Variants in SERPINC1 observed in about 807,000 individuals in gnomAD.
SERPINC1 encodes the protein serpin family C member 1.
SERPINC1 carries 12 observed loss-of-function variants against 43.4 expected under a neutral mutation model. That is an observed-to-expected ratio of 0.28 (90% CI 0.18 to 0.45). SERPINC1 has a LOEUF of 0.45. Ranked by LOEUF, SERPINC1 falls within the 20% of genes least tolerant of loss-of-function variation. SERPINC1 has a pLI of 1.00. For synonymous variants in SERPINC1, 210 were observed against 218.9 expected (o/e 0.96, Z 0.36); for missense variants, 423 against 578.8 (o/e 0.73, Z 2.76).
intron 3 of SERPINC1, 123 bp downstream of exon 3, chr1:173,911,676 T>C (rs1339284387): frequency 8.8e-6 from 7 of 798,712 alleles, no homozygotes; most frequent in South Asian, 2.8e-5. Context: ...TTCTAACTTT[T>C]AGTCAGCCCT....
Position 173,914,729 on chromosome 1 carries a change from G to T in SERPINC1, c.232C>A (p.Arg78=), listed in dbSNP as rs374205395. 1 of 1,614,102 alleles carries T rather than the reference G, an allele frequency of 6.2e-7. No homozygotes were observed. The highest frequency in any genetic ancestry group is 8.5e-7 in the Non-Finnish European group (1 of 1,180,050). The change falls in exon 2 of 7, where the codon CGG becomes AGG. Residue 78 remains arginine (R), a synonymous_variant. Coordinates refer to ENST00000367698, the MANE Select transcript of SERPINC1 (RefSeq NM_000488.4). Reference sequence around the variant, plus strand: ...GCCTTGGACAGTTCCCAGACACGCCGGTTGGTGGCCTCCGGGATCTTCTGT... The same window carrying T: ...GCCTTGGACAGTTCCCAGACACGCCTGTTGGTGGCCTCCGGGATCTTCTGT... ...SEQKIPEATN[R]RVWELSKANS...
intron 6 of SERPINC1, among the ~76,000 whole-genome samples, chr1:173,906,190 A>C (rs1047837987): frequency 2.0e-5 from 3 of 152,206 alleles, no homozygotes; most frequent in African/African-American, 7.2e-5. Context: ...GTACATACAG[A>C]GATTCTCAGG....
At chr1:173,913,566 A>G (rs928019382) in intron 2 of SERPINC1, among the ~76,000 whole-genome samples, 3 of 152,140 alleles carry the variant, frequency 2.0e-5, no homozygotes, top group Middle Eastern at 3.2e-3. Context: ...CTTGAAGTCA[A>G]GAGTTTGAGG....
chr1:173,909,032 G>A (rs1408432234), intron 5 of SERPINC1, among the ~76,000 whole-genome samples: 3 of 152,094 alleles, frequency 2.0e-5, no homozygotes, highest in African/African-American at 4.8e-5. Flanking sequence ...GTATGGTGAC[G>A]TGTGCCTGTA....
At chr1:173,908,637 C>T (rs1657632424) in intron 5 of SERPINC1, among the ~76,000 whole-genome samples, 1 of 151,918 alleles carries the variant, frequency 6.6e-6, no homozygotes, top group South Asian at 2.1e-4. Context: ...CACAGTACAC[C>T]ACAGCGTTGA....
In SERPINC1 at chr1:173,909,838, C is replaced by T. The variant is rs1036017552; in HGVS notation, c.867G>A (p.Lys289=). 1 of 1,614,088 alleles carries T rather than the reference C, an allele frequency of 6.2e-7. No individual in the cohort carries two copies. Among genetic ancestry groups the T allele is most frequent in the Non-Finnish European group, 8.5e-7 (1 of 1,179,904 alleles). The change falls in exon 5 of 7, where the codon AAG becomes AAA. Residue 289 remains lysine, a synonymous_variant. Coordinates refer to ENST00000367698, the MANE Select transcript of SERPINC1 (RefSeq NM_000488.4). Reference sequence around the variant, plus strand: ...CTTCAGCCACGCGCCGATAACGGAACTTGCCTTCCTGGTACATCATAGATG... The same window carrying T: ...CTTCAGCCACGCGCCGATAACGGAATTTGCCTTCCTGGTACATCATAGATG... The part of the protein sequence containing the change: ...CSASMMYQEG[K]FRYRRVAEGT...
chr1:173,903,814 T>A lies in SERPINC1; in HGVS notation c.*75A>T. On this transcript the variant is annotated 3_prime_UTR_variant, in exon 7 of 7. Transcript: ENST00000367698. ...TGCAGAGTCCATTTATAATGTGAGA[T>A]GGAAGTAGTTTGTATTTATTTTTAC... is the stretch of plus-strand genomic sequence containing the variant. 1 of 1,266,890 alleles carries A rather than the reference T, an allele frequency of 7.9e-7. No individual in the cohort carries two copies. The highest frequency in any genetic ancestry group is 1.2e-6 in the Non-Finnish European group (1 of 867,660). The allele number at this position is 1,266,890 out of a possible 1,614,324, so 78.5% of individuals were successfully genotyped here. A position where few individuals can be genotyped will look rare whatever the true frequency, so the allele number is the denominator to read the frequency against.
Position 173,914,905 on chromosome 1 carries a change from A to G in SERPINC1, c.56T>C (p.Leu19Ser). 1 of 1,613,900 alleles carries G rather than the reference A, an allele frequency of 6.2e-7. No homozygotes were observed. Among genetic ancestry groups the G allele is most frequent in the East Asian group, 2.2e-5 (1 of 44,882 alleles). The change falls in exon 2 of 7, where the codon TTG becomes TCG. Residue 19 changes from leucine to serine, a missense_variant. By Grantham distance (145) the Leu-to-Ser change is moderately radical. Transcript: ENST00000367698. ...VTSGKRKVYLLSLLLIGFWDC... is the reference protein window; with the variant it reads ...VTSGKRKVYLSSLLLIGFWDC... ...CCAGAAGCCAATGAGCAGCAAGGAC[A>G]AAAGATAAACCTTCCTGCAAGGAGA... is the stretch of plus-strand genomic sequence containing the variant.
At chr1:173,914,982 A>C (rs1293649486) in intron 1 of SERPINC1, 63 bp from the exon 2 acceptor site, 2 of 1,579,016 alleles carry the variant, frequency 1.3e-6, no homozygotes, top group Non-Finnish European at 1.7e-6. Context: ...TGCCCACCAC[A>C]GGGTTGCCCC....
At chr1:173,911,721 G>A (rs1657775252) in intron 3 of SERPINC1, 78 bp downstream of exon 3, 2 of 1,154,004 alleles carry the variant, frequency 1.7e-6, no homozygotes, top group Admixed American at 3.4e-5. Context: ...GTGTGAATTT[G>A]GATGCTGTTT....
chr1:173,904,640 C>T (rs889304403), intron 6 of SERPINC1, among the ~76,000 whole-genome samples: 2 of 152,118 alleles, frequency 1.3e-5, no homozygotes, highest in Non-Finnish European at 2.9e-5. Flanking sequence ...AATTTTGCCT[C>T]AGGACCCAGA....
chr1:173,913,595 G>A (rs1321605740), intron 2 of SERPINC1, among the ~76,000 whole-genome samples: 2 of 152,140 alleles, frequency 1.3e-5, no homozygotes, highest in Non-Finnish European at 1.5e-5. Flanking sequence ...GGTGGCTTAC[G>A]CCTGTAATCA....
intron 5 of SERPINC1, among the ~76,000 whole-genome samples, chr1:173,909,027 G>A (rs970568140): frequency 1.4e-4 from 22 of 152,280 alleles, no homozygotes; most frequent in African/African-American, 5.3e-4. Flanking sequence ...ACCAGGTATG[G>A]TGACGTGTGC....
intron 6 of SERPINC1, among the ~76,000 whole-genome samples, chr1:173,905,694 C>G (rs1354303969): frequency 6.6e-6 from 1 of 151,504 alleles, no homozygotes; most frequent in Non-Finnish European, 1.5e-5. Context: ...GCATTCCAGC[C>G]TAGGCGAGAG....
At chr1:173,911,025 C>T (rs1657751017) in intron 3 of SERPINC1, 134 bp from the exon 4 acceptor site, 1 of 964,746 alleles carries the variant, frequency 1.0e-6, no homozygotes, top group Non-Finnish European at 1.7e-6. Flanking sequence ...ATTGCTCTAA[C>T]CCAAATTGGG....
chr1:173,912,145 G>A, intron 2 of SERPINC1, 131 bp from the exon 3 acceptor site: 1 of 725,832 alleles, frequency 1.4e-6, no homozygotes, highest in Non-Finnish European at 2.5e-6. Flanking sequence ...CAGTACCTGG[G>A]ACAGCATAAA....
In SERPINC1 at chr1:173,909,333, A is replaced by G. The variant is rs1799876; in HGVS notation, c.1153+219T>C. Among the ~76,000 whole-genome samples the G allele has an allele frequency of 0.46, 70,128 of 152,042 alleles. 19,290 individuals are homozygous for G. Among genetic ancestry groups the G allele is most frequent in the African/African-American group, 0.76 (31,654 of 41,462 alleles). Reference sequence around the variant, plus strand: ...TACAGACTCACAGGGCACCAGTGCTAGCTGGGCCCATGGAGATCCAAGAAC... The same window carrying G: ...TACAGACTCACAGGGCACCAGTGCTGGCTGGGCCCATGGAGATCCAAGAAC... On this transcript the variant is annotated intron_variant, in intron 5 of 6. Transcript: ENST00000367698.
chr1:173,904,217 C>A, intron 6 of SERPINC1, 152 bp from the exon 7 acceptor site: 1 of 721,534 alleles, frequency 1.4e-6, no homozygotes, highest in Non-Finnish European at 2.4e-6. Context: ...CAGAATCCTA[C>A]TTCTACTCAT....
rs1288553458 is a variant in SERPINC1, at chr1:173,914,593, T to C, written c.368A>G (p.Lys123Arg). 1 of 1,614,032 alleles carries C rather than the reference T, an allele frequency of 6.2e-7. No individual in the cohort carries two copies. The highest frequency in any genetic ancestry group is 2.2e-5 in the East Asian group (1 of 44,902). The change falls in exon 2 of 7, where the codon AAG becomes AGG. Residue 123 changes from lysine to arginine, a missense_variant. Physicochemically the swap from Lys to Arg is conservative, Grantham distance 26. Coordinates refer to ENST00000367698, the MANE Select transcript of SERPINC1 (RefSeq NM_000488.4). ...LSISTAFAMT[K>R]LGACNDTLQQ... ...GAGGGTGTCATTACAGGCACCCAGC[T>C]TGGTCATAGCAAAAGCCGTGGAGAT...
Sources: gnomAD v4.1 joint callset for allele counts (sites outside exome capture counted in the v4.1 genomes callset) on GRCh38, gnomAD v4.1.1 for gene constraint, MANE v1.5 for transcripts, NCBI Gene and HGNC (gene_info 2026-07-23, HGNC 2026-07-21) for gene names.